Variants in EDN1 observed in about 807,000 individuals in gnomAD.
The protein encoded by EDN1 is endothelin 1.
A neutral mutation model predicts 21.7 loss-of-function variants in EDN1; 11 were observed. The ratio of observed to expected loss-of-function variants is 0.51; its 90% confidence interval spans 0.32 to 0.84. EDN1 has a LOEUF of 0.84. Ranked by LOEUF, EDN1 falls within the 40% of genes least tolerant of loss-of-function variation. The probability of loss-of-function intolerance (pLI) is 0.03; values close to 1 mark genes in which losing one functional copy is unlikely to be tolerated. For synonymous variants in EDN1, 85 were observed against 90.6 expected, an observed-to-expected ratio of 0.94 and a Z score of 0.35; for missense variants, 244 against 262.3, an observed-to-expected ratio of 0.93 and a Z score of 0.48.
the EDN1 span, among the ~76,000 whole-genome samples, chr6:12,270,825 T>C: frequency 0.04 from 6,162 of 152,302 alleles, 373 homozygotes; most frequent in African/African-American, 0.13. Flanking sequence ...GATGTTTCTT[T>C]GTTGATTTTC....
At chr6:12,241,059 T>A in the EDN1 span, among the ~76,000 whole-genome samples, 1 of 152,284 alleles carries the variant, frequency 6.6e-6, no homozygotes, top group East Asian at 1.9e-4. Flanking sequence ...CACTTAGATT[T>A]TGAATTTTCA....
intron 1 of EDN1, among the ~76,000 whole-genome samples, 182 bp from the exon 2 acceptor site, chr6:12,292,159 G>A (rs960464422): frequency 4.8e-5 from 7 of 146,168 alleles, no homozygotes; most frequent in African/African-American, 1.9e-4. Context: ...GGAGGCAAAA[G>A]GTGAACTCAT....
At chr6:12,278,060 C>G in the EDN1 span, among the ~76,000 whole-genome samples, 451 of 152,304 alleles carry the variant, frequency 3.0e-3, 4 homozygotes, top group East Asian at 0.045. Flanking sequence ...TTAATTTCTT[C>G]TCTAAGAAAT....
chr6:12,242,207 G>A, the EDN1 span, among the ~76,000 whole-genome samples: 9 of 152,114 alleles, frequency 5.9e-5, no homozygotes, highest in African/African-American at 1.2e-4. Context: ...TGAGGGTGTC[G>A]CCCAACAGTC....
the EDN1 span, among the ~76,000 whole-genome samples, chr6:12,276,529 T>C: frequency 6.6e-6 from 1 of 152,174 alleles, no homozygotes; most frequent in Admixed American, 6.5e-5. Flanking sequence ...GTGTAATAAG[T>C]GTTATGCAAG....
At chr6:12,246,667 C>T in the EDN1 span, among the ~76,000 whole-genome samples, 18 of 79,612 alleles carry the variant, frequency 2.3e-4, no homozygotes, top group Non-Finnish European at 2.4e-4. Flanking sequence ...TTTTCTCCCT[C>T]GATCTTGTTG....
the EDN1 span, among the ~76,000 whole-genome samples, chr6:12,242,939 A>G: frequency 8.0e-3 from 1,222 of 152,290 alleles, 15 homozygotes; most frequent in African/African-American, 0.028. Flanking sequence ...ACTTAGAATT[A>G]TGCTAGAGTA....
At chr6:12,284,668 G>A in the EDN1 span, among the ~76,000 whole-genome samples, 7 of 137,586 alleles carry the variant, frequency 5.1e-5, no homozygotes, top group African/African-American at 1.2e-4. Context: ...AAGAAAAAGA[G>A]AGAAAGAAAG....
At chr6:12,291,461 C>A (rs1173219374) in intron 1 of EDN1, among the ~76,000 whole-genome samples, 9 of 152,154 alleles carry the variant, frequency 5.9e-5, no homozygotes, top group Admixed American at 5.9e-4. Flanking sequence ...AGGGTCAGTG[C>A]ACTTTTTTTG....
At chr6:12,285,851 T>C (rs552456391), upstream of EDN1, among the ~76,000 whole-genome samples, 18 of 152,306 alleles carry the variant, frequency 1.2e-4, no homozygotes, top group African/African-American at 3.4e-4. Context: ...TGAGCCACCA[T>C]GCCCAGCCAA....
the EDN1 span, among the ~76,000 whole-genome samples, chr6:12,232,002 GA>G: frequency 2.0e-5 from 3 of 150,656 alleles, no homozygotes; most frequent in Non-Finnish European, 4.4e-5. Flanking sequence ...TTAAATAAAA[GA>G]AAGGGTAAAA....
intron 1 of EDN1, among the ~76,000 whole-genome samples, chr6:12,291,479 G>A (rs2113793723): frequency 6.6e-6 from 1 of 152,190 alleles, no homozygotes; most frequent in Non-Finnish European, 1.5e-5. Flanking sequence ...TTGTCTTTTC[G>A]TGACCCTGAC....
At chr6:12,248,694 T>C in the EDN1 span, among the ~76,000 whole-genome samples, 1 of 152,216 alleles carries the variant, frequency 6.6e-6, no homozygotes, top group Non-Finnish European at 1.5e-5. Context: ...GTAGGTTATG[T>C]CAATTAGCTT....
chr6:12,239,745 C>CA, the EDN1 span, among the ~76,000 whole-genome samples: 1 of 151,950 alleles, frequency 6.6e-6, no homozygotes, highest in African/African-American at 2.4e-5. Context: ...CTGGTCTCTA[C>CA]AAAAAATACA....
chr6:12,296,223 G>C lies in EDN1; in HGVS notation c.*156G>C. On this transcript the variant is annotated 3_prime_UTR_variant, in exon 5 of 5. Coordinates refer to ENST00000379375, the MANE Select transcript of EDN1 (RefSeq NM_001955.5). ...TCCTCGTTCAAAACATTCCAAGAAA[G>C]GTTAAGGAGTTCCCCCAACCATCTT... 1 of 695,184 alleles carries C rather than the reference G, an allele frequency of 1.4e-6. No individual in the cohort carries two copies. The highest frequency in any genetic ancestry group is 1.5e-5 in the South Asian group (1 of 66,656). 43.1% of individuals were successfully genotyped at this position (695,184 alleles called of 1,614,324 possible). A position where few individuals can be genotyped will look rare whatever the true frequency, so the allele number is the denominator to read the frequency against.
chr6:12,283,414 AT>A, the EDN1 span, among the ~76,000 whole-genome samples: 14 of 151,000 alleles, frequency 9.3e-5, no homozygotes, highest in East Asian at 3.9e-4. Flanking sequence ...GCTGTAGGGA[AT>A]TTTTTTTTTC....
chr6:12,254,012 G>A, the EDN1 span, among the ~76,000 whole-genome samples: 1 of 151,812 alleles, frequency 6.6e-6, no homozygotes, highest in Admixed American at 6.6e-5. Flanking sequence ...TGGTTCCCTT[G>A]CCTCCTGCTT....
At chr6:12,285,388 A>G (rs1481349334), upstream of EDN1, among the ~76,000 whole-genome samples, 2 of 152,030 alleles carry the variant, frequency 1.3e-5, no homozygotes, top group Admixed American at 1.3e-4. Flanking sequence ...CATCTGTAGG[A>G]GCATTTTTGT....
chr6:12,278,418 T>C, the EDN1 span, among the ~76,000 whole-genome samples: 1 of 152,202 alleles, frequency 6.6e-6, no homozygotes, highest in Non-Finnish European at 1.5e-5. Context: ...ATAATCCTAT[T>C]GGTTTCTGTC....
Sources: gnomAD v4.1 joint callset for allele counts (sites outside exome capture counted in the v4.1 genomes callset) on GRCh38, gnomAD v4.1.1 for gene constraint, MANE v1.5 for transcripts, NCBI Gene and HGNC (gene_info 2026-07-23, HGNC 2026-07-21) for gene names.